EXOC6B: variants seen among roughly 807,000 people sequenced by gnomAD.
EXOC6B encodes the protein exocyst complex component 6B, also known as SEC15 homolog B.
EXOC6B carries 54 observed loss-of-function variants against 113.5 expected under a neutral mutation model. That is an observed-to-expected ratio of 0.48 (90% CI 0.38 to 0.60). EXOC6B has a LOEUF of 0.60. Ranked by LOEUF, EXOC6B falls within the 20% of genes least tolerant of loss-of-function variation. The pLI is 0.00. For synonymous variants in EXOC6B, 357 were observed against 339.0 expected (o/e 1.05, Z -0.58); for missense variants, 797 against 977.5 (o/e 0.82, Z 2.46).
chr2:72,735,080 C>T (rs553963524), intron 2 of EXOC6B, among the ~76,000 whole-genome samples: 1 of 152,258 alleles, frequency 6.6e-6, no homozygotes, highest in African/African-American at 2.4e-5. Flanking sequence ...AAAAATCATA[C>T]GGGCTTCCTT....
At chr2:72,660,782 AGAAGTT>A (rs1234597603) in intron 6 of EXOC6B, among the ~76,000 whole-genome samples, 1 of 152,084 alleles carries the variant, frequency 6.6e-6, no homozygotes, top group Non-Finnish European at 1.5e-5. Flanking sequence ...GAAGAAGACC[AGAAGTT>A]GAAGTATTAC....
chr2:72,566,672 C>T (rs1446888), intron 7 of EXOC6B, among the ~76,000 whole-genome samples: 131,006 of 152,056 alleles, frequency 0.86, 56,767 homozygotes, highest in East Asian at 0.99. Flanking sequence ...TGCTCTATAT[C>T]CTTGACAGTA....
intron 20 of EXOC6B, among the ~76,000 whole-genome samples, chr2:72,277,095 AT>A (rs1409096718): frequency 6.6e-6 from 1 of 152,156 alleles, no homozygotes; most frequent in Non-Finnish European, 1.5e-5. Flanking sequence ...CAGGGAGGTA[AT>A]TTTTGGTTGC....
chr2:72,522,672 A>G (rs887968412), intron 8 of EXOC6B, among the ~76,000 whole-genome samples: 3 of 152,180 alleles, frequency 2.0e-5, no homozygotes, highest in South Asian at 2.1e-4. Context: ...GCAAGATGAC[A>G]TCTTTCTAGA....
At chr2:72,289,153 GC>G in intron 20 of EXOC6B, 2 of 220,808 alleles carry the variant, frequency 9.1e-6, no homozygotes, top group African/African-American at 2.4e-5. Flanking sequence ...TGGCTCATGG[GC>G]CAAAAAAAAA....
intron 18 of EXOC6B, among the ~76,000 whole-genome samples, chr2:72,422,758 C>G (rs1323636862): frequency 2.6e-5 from 4 of 152,192 alleles, no homozygotes; most frequent in South Asian, 4.1e-4. Flanking sequence ...AATCGACACT[C>G]TGTATCTAGC....
chr2:72,256,452 GC>G (rs1376268081), intron 20 of EXOC6B, among the ~76,000 whole-genome samples: 3 of 152,212 alleles, frequency 2.0e-5, no homozygotes, highest in Admixed American at 6.5e-5. Context: ...TGCAATTGCT[GC>G]TTCAGGGTAG....
At chr2:72,525,224 G>C (rs1463971298) in intron 8 of EXOC6B, among the ~76,000 whole-genome samples, 1 of 152,206 alleles carries the variant, frequency 6.6e-6, no homozygotes, top group African/African-American at 2.4e-5. Context: ...TTTGTAATTA[G>C]CTTCCCCTTT....
chr2:72,318,376 T>C (rs907974180), intron 20 of EXOC6B, among the ~76,000 whole-genome samples: 1 of 152,078 alleles, frequency 6.6e-6, no homozygotes, highest in South Asian at 2.1e-4. Context: ...CTTAATTACA[T>C]GCTGTATTTT....
At chr2:72,228,194 C>T (rs1234036170) in intron 20 of EXOC6B, among the ~76,000 whole-genome samples, 2 of 152,112 alleles carry the variant, frequency 1.3e-5, no homozygotes, top group African/African-American at 4.8e-5. Context: ...GTTGACATCA[C>T]TTGATAATGC....
At chr2:72,546,522 C>A (rs922970148) in intron 8 of EXOC6B, among the ~76,000 whole-genome samples, 2 of 152,078 alleles carry the variant, frequency 1.3e-5, no homozygotes, top group South Asian at 2.1e-4. Flanking sequence ...ATAGCCAAGT[C>A]CTCAAAAAAT....
intron 19 of EXOC6B, among the ~76,000 whole-genome samples, chr2:72,367,283 A>C (rs985755834): frequency 6.6e-6 from 1 of 152,192 alleles, no homozygotes; most frequent in African/African-American, 2.4e-5. Flanking sequence ...TAAAATATAC[A>C]ACAGAGTCTG....
intron 17 of EXOC6B, 29 bp from the exon 18 acceptor site, chr2:72,465,368 C>A: frequency 1.3e-6 from 2 of 1,530,492 alleles, no homozygotes; most frequent in Non-Finnish European, 1.8e-6. Context: ...TTTGAAAAAT[C>A]ACTCAGATTT....
At position 72,649,857 on chromosome 2, in the gene EXOC6B, A is replaced by G. The variant is rs374093212; in HGVS notation, c.669+68246T>C. Among the ~76,000 whole-genome samples the G allele has an allele frequency of 2.6e-5, 4 of 152,302 alleles. No individual in the cohort carries two copies. The East Asian group carries it at 7.7e-4, about 29-fold the overall frequency. On this transcript the variant is annotated intron_variant, in intron 6 of 21. Transcript: ENST00000272427. ...CAAATGGTGCTGCTGGAGCAATTTCATAAACATAAGCAAAAAAAAAATGAA... is the reference window on the plus strand; with the variant it reads ...CAAATGGTGCTGCTGGAGCAATTTCGTAAACATAAGCAAAAAAAAAATGAA...
chr2:72,199,897 A>C (rs1232664994), intron 20 of EXOC6B, among the ~76,000 whole-genome samples: 1 of 151,658 alleles, frequency 6.6e-6, no homozygotes, highest in Non-Finnish European at 1.5e-5. Flanking sequence ...GGAGGTTTTT[A>C]TTTTTATTTT....
intron 6 of EXOC6B, among the ~76,000 whole-genome samples, chr2:72,675,819 G>C (rs1676257579): frequency 6.6e-6 from 1 of 151,914 alleles, no homozygotes. Context: ...AAAGTTGGTG[G>C]GGGCGGGGGG....
In EXOC6B at chr2:72,826,004, G is replaced by A. The variant is rs978449827; in HGVS notation, c.-94C>T. ...CGCTCCCACCACAGGCTCCACAGCC[G>A]CCCCAGCCTCTGGCTACCCGCAGGC... On this transcript the variant is annotated 5_prime_UTR_variant, in exon 1 of 22. Coordinates refer to ENST00000272427, the MANE Select transcript of EXOC6B (RefSeq NM_015189.3). 1.3e-5 allele frequency: 20 copies of A among 1,505,968 alleles called. No homozygotes were observed. The East Asian group carries it at 4.2e-4, about 32-fold the overall frequency. 93.3% of individuals were successfully genotyped at this position (1,505,968 alleles called of 1,614,324 possible).
chr2:72,692,732 T>C (rs1214268264), intron 6 of EXOC6B, among the ~76,000 whole-genome samples: 2 of 152,192 alleles, frequency 1.3e-5, no homozygotes, highest in Non-Finnish European at 2.9e-5. Flanking sequence ...TTTGAAACTC[T>C]AAGATGGTCC....
intron 1 of EXOC6B, among the ~76,000 whole-genome samples, chr2:72,743,106 C>T (rs956793573): frequency 2.6e-5 from 4 of 152,094 alleles, no homozygotes; most frequent in Non-Finnish European, 4.4e-5. Context: ...ATACCCTATC[C>T]AATACATTAA....
Sources: allele counts gnomAD v4.1 joint callset (sites outside exome capture counted in the v4.1 genomes callset), GRCh38; gene constraint gnomAD v4.1.1; transcripts MANE v1.5; gene names NCBI Gene and HGNC (gene_info 2026-07-23, HGNC 2026-07-21).